The following KCNQ1 variants were observed in gnomAD, a reference collection of about 807,000 sequenced individuals.
KCNQ1 encodes the protein potassium voltage-gated channel subfamily Q member 1.
In KCNQ1, 49 loss-of-function variants were observed where a neutral mutation model predicts 72.4. That is an observed-to-expected ratio of 0.68 (90% CI 0.54 to 0.86). The LOEUF is 0.86. Among genes scored for constraint, KCNQ1 ranks in the 40% least tolerant of loss-of-function variants. The probability of loss-of-function intolerance (pLI) is 0.00; values close to 1 mark genes in which losing one functional copy is unlikely to be tolerated. For missense variants in KCNQ1, 790 were observed against 945.1 expected (o/e 0.84, Z 2.15); for synonymous variants, 450 against 412.6 (o/e 1.09, Z -1.10).
chr11:2,651,673 C>G lies in KCNQ1; in HGVS notation c.1394-10288C>G. The G allele has an allele frequency of 7.5e-6, 3 of 398,698 alleles. No individual in the cohort carries two copies. The Admixed American group carries it at 1.3e-4, about 18-fold the overall frequency. The allele number at this position is 398,698 out of a possible 1,614,324, so 24.7% of individuals were successfully genotyped here. On this transcript the variant is annotated intron_variant, in intron 10 of 15. Transcript: ENST00000155840. This position sits in a 1 kb window ranked among gnomAD's most constrained non-coding sequence, Gnocchi z 6.1. ...TCCCACAGCTCACTGACATTAGCCA[C>G]GTGGCCCTCTGTTTCCTGTAATAGG...
intron 10 of KCNQ1, chr11:2,632,630 A>G (rs1021464769): frequency 1.8e-5 from 7 of 398,280 alleles, no homozygotes; most frequent in African/African-American, 1.4e-4. Flanking sequence ...GGTAATTAGC[A>G]TATTCATCAA....
chr11:2,607,412 T>C (rs1848898335), intron 10 of KCNQ1, among the ~76,000 whole-genome samples: 1 of 152,096 alleles, frequency 6.6e-6, no homozygotes. Flanking sequence ...TAACCCCCAA[T>C]GTTGGTATTA....
chr11:2,583,539 C>A lies in KCNQ1; in HGVS notation c.1026C>A (p.Leu342=), dbSNP rs1848537794. Residue 342 remains leucine, a synonymous_variant, in exon 7 of 16, where the codon CTC becomes CTA. Transcript: ENST00000155840. ...FSVFAISFFA[L]PAGILGSGFA... ...TCTTTGCCATCTCCTTCTTTGCGCT[C>A]CCAGCGGTAGGTGCCCCGTGGGTGC... is the stretch of plus-strand genomic sequence containing the variant. 6.2e-7 allele frequency: 1 copy of A among 1,611,896 alleles called. No individual in the cohort carries two copies. The highest frequency in any genetic ancestry group is 8.5e-7 in the Non-Finnish European group (1 of 1,178,064).
At chr11:2,680,815 T>C (rs1590028191) in intron 11 of KCNQ1, 3 of 228,442 alleles carry the variant, frequency 1.3e-5, no homozygotes, top group Non-Finnish European at 2.5e-5. Flanking sequence ...TGGAACCACA[T>C]AGCAAATCAC....
At chr11:2,845,422 C>T (rs1316131217) in intron 15 of KCNQ1, among the ~76,000 whole-genome samples, 1 of 152,174 alleles carries the variant, frequency 6.6e-6, no homozygotes, top group African/African-American at 2.4e-5. Context: ...TGTGGCTCGT[C>T]CCCAAGTGGC....
rs1846961258 is a variant in KCNQ1 at position 2,498,777 on chromosome 11, C to G, written c.387-29151C>G. Among the ~76,000 whole-genome samples, 1 of 152,208 alleles carries G rather than the reference C, an allele frequency of 6.6e-6. No individual in the cohort carries two copies. Among genetic ancestry groups the G allele is most frequent in the African/African-American group, 2.4e-5 (1 of 41,440 alleles). On this transcript the variant is annotated intron_variant, in intron 1 of 15. Coordinates refer to ENST00000155840, the MANE Select transcript of KCNQ1 (RefSeq NM_000218.3). This position sits in a 1 kb window ranked among gnomAD's most constrained non-coding sequence, Gnocchi z 4.8. Reference sequence around the variant, plus strand: ...AGTTCAATGTCTGTCCAAACAGCAACTCAGTTTTGTGCTTGAAACCCAGGG... The same window carrying G: ...AGTTCAATGTCTGTCCAAACAGCAAGTCAGTTTTGTGCTTGAAACCCAGGG...
intron 2 of KCNQ1, among the ~76,000 whole-genome samples, chr11:2,556,947 A>G (rs924845684): frequency 6.6e-6 from 1 of 152,250 alleles, no homozygotes; most frequent in African/African-American, 2.4e-5. Context: ...AAGGACAGAA[A>G]GAGTCAAATC....
In KCNQ1 at chr11:2,735,014, C is replaced by T. The variant is rs1590059901; in HGVS notation, c.1515-33830C>T. Among the ~76,000 whole-genome samples, 1 of 152,070 alleles carries T rather than the reference C, an allele frequency of 6.6e-6. No individual in the cohort carries two copies. Among genetic ancestry groups the T allele is most frequent in the Non-Finnish European group, 1.5e-5 (1 of 68,002 alleles). On this transcript the variant is annotated intron_variant, in intron 11 of 15. Coordinates refer to ENST00000155840, the MANE Select transcript of KCNQ1 (RefSeq NM_000218.3). This position sits in a 1 kb window ranked among gnomAD's most constrained non-coding sequence, Gnocchi z 7.7. ...CGCTGCCCCAGGCTGGTGGGGTAAG[C>T]GCCTCGGAGGGCACACTAACAAGAG...
chr11:2,791,244 C>G (rs1026194926), intron 15 of KCNQ1, among the ~76,000 whole-genome samples: 1 of 152,142 alleles, frequency 6.6e-6, no homozygotes, highest in Non-Finnish European at 1.5e-5. Context: ...AGCGGCCGAG[C>G]CCTCACTGGG....
At chr11:2,805,676 G>A (rs1847356223) in intron 15 of KCNQ1, among the ~76,000 whole-genome samples, 1 of 152,206 alleles carries the variant, frequency 6.6e-6, no homozygotes, top group Non-Finnish European at 1.5e-5. Context: ...TGGCCCTTTA[G>A]AGAAAAGCGT....
In KCNQ1 at chr11:2,445,044, G is replaced by C. The variant is rs562468879; in HGVS notation, c.-55G>C. 2.0e-4 allele frequency: 204 copies of C among 1,034,780 alleles called. No homozygotes were observed. Among genetic ancestry groups the C allele is most frequent in the Admixed American group, 1.5e-3 (27 of 17,512 alleles). 64.1% of individuals were successfully genotyped at this position (1,034,780 alleles called of 1,614,324 possible). A position where few individuals can be genotyped will look rare whatever the true frequency, so the allele number is the denominator to read the frequency against. ...GCACTGCGCCCGGGCGCTCGCCTTC[G>C]CTGCAGCTCCCGGTGCCGCCGCTCG... On this transcript the variant is annotated 5_prime_UTR_variant, in exon 1 of 16. Transcript: ENST00000155840.
intron 1 of KCNQ1, among the ~76,000 whole-genome samples, chr11:2,476,280 A>T (rs528971537): frequency 6.6e-6 from 1 of 152,182 alleles, no homozygotes; most frequent in South Asian, 2.1e-4. Context: ...ACGTATGTTT[A>T]AAATATATGT....
At chr11:2,722,524 G>C (rs1845686691) in intron 11 of KCNQ1, among the ~76,000 whole-genome samples, 2 of 152,128 alleles carry the variant, frequency 1.3e-5, no homozygotes, top group African/African-American at 4.8e-5. Context: ...TCTAAGGAAG[G>C]AGAGGCCAGC....
chr11:2,571,616 G>A (rs1000813145), intron 4 of KCNQ1, among the ~76,000 whole-genome samples: 10 of 152,146 alleles, frequency 6.6e-5, no homozygotes, highest in Non-Finnish European at 1.5e-4. Context: ...AGATGCCTCA[G>A]GCAGCCCTAG....
intron 2 of KCNQ1, among the ~76,000 whole-genome samples, chr11:2,540,268 G>T (rs892091207): frequency 2.6e-5 from 4 of 152,230 alleles, no homozygotes; most frequent in Non-Finnish European, 5.9e-5. Flanking sequence ...TTCTAATTAT[G>T]TTCTTGGCTT....
intron 6 of KCNQ1, among the ~76,000 whole-genome samples, chr11:2,576,852 C>T (rs986820232): frequency 6.6e-6 from 1 of 152,168 alleles, no homozygotes; most frequent in Non-Finnish European, 1.5e-5. Context: ...GGCGGCAGGA[C>T]CTGGCCACCC....
chr11:2,833,756 G>A (rs1848003103), intron 15 of KCNQ1, among the ~76,000 whole-genome samples: 1 of 152,236 alleles, frequency 6.6e-6, no homozygotes, highest in Non-Finnish European at 1.5e-5. Flanking sequence ...TGGGGCAAGT[G>A]CCCCGAGACG....
In KCNQ1 at chr11:2,682,734, C is replaced by T; in HGVS notation, c.1514+20653C>T. The T allele has an allele frequency of 2.5e-6, 1 of 398,630 alleles. No individual in the cohort carries two copies. The highest frequency in any genetic ancestry group is 4.4e-6 in the Non-Finnish European group (1 of 226,084). The allele number at this position is 398,630 out of a possible 1,614,324, so 24.7% of individuals were successfully genotyped here. On this transcript the variant is annotated intron_variant, in intron 11 of 15. Coordinates refer to ENST00000155840, the MANE Select transcript of KCNQ1 (RefSeq NM_000218.3). The surrounding 1 kb of genome is among the most constrained non-coding windows in gnomAD (Gnocchi z 5.8). ...CTCTAGTCATAAAGAATCTCTTCCC[C>T]TTGAGCCCACTCATCTCTGTTGACA...
rs1850125944 is a variant in KCNQ1 at position 2,668,626 on chromosome 11, ATGTT to A, written c.1514+6547_1514+6550del. On this transcript the variant is annotated intron_variant, in intron 11 of 15. Transcript: ENST00000155840. This position sits in a 1 kb window ranked among gnomAD's most constrained non-coding sequence, Gnocchi z 4.3. Reference sequence around the variant, plus strand: ...ATTGCCTACATCTTCTGCCTGTTTTATGTTTATTTATGGTCCTATATATCTTTAG... The same window carrying A: ...ATTGCCTACATCTTCTGCCTGTTTTATATTTATGGTCCTATATATCTTTAG... 1 of 398,358 alleles carries A rather than the reference ATGTT, an allele frequency of 2.5e-6. No homozygotes were observed. The highest frequency in any genetic ancestry group is 2.1e-5 in the African/African-American group (1 of 48,568). The allele number at this position is 398,358 out of a possible 1,614,324, so 24.7% of individuals were successfully genotyped here.
Sources: allele counts gnomAD v4.1 joint callset (sites outside exome capture counted in the v4.1 genomes callset), GRCh38; gene constraint gnomAD v4.1.1; non-coding constraint Gnocchi (gnomAD v3.1); transcripts MANE v1.5; gene names NCBI Gene and HGNC (gene_info 2026-07-23, HGNC 2026-07-21).